LARS2: variants seen among roughly 807,000 people sequenced by gnomAD.
LARS2 encodes leucine--tRNA ligase, mitochondrial.
LARS2 carries 81 observed loss-of-function variants against 116.6 expected under a neutral mutation model. The ratio of observed to expected loss-of-function variants is 0.69; its 90% CI spans 0.58 to 0.84. The LOEUF is 0.84. Among genes scored for constraint, LARS2 ranks in the 40% least tolerant of loss-of-function variants. The pLI is 0.00. For synonymous variants in LARS2, 396 were observed against 407.2 expected (o/e 0.97, Z 0.33); for missense variants, 968 against 1,114.5 (o/e 0.87, Z 1.87).
chr3:45,502,011 T>A (rs1272286060), intron 15 of LARS2, among the ~76,000 whole-genome samples: 1 of 152,078 alleles, frequency 6.6e-6, no homozygotes, highest in African/African-American at 2.4e-5. Context: ...GGTATGGGCA[T>A]GCAATGCATA....
chr3:45,411,866 C>T (rs532666415), intron 4 of LARS2, among the ~76,000 whole-genome samples: 1 of 152,082 alleles, frequency 6.6e-6, no homozygotes, highest in Non-Finnish European at 1.5e-5. Flanking sequence ...TCAGGTAGGC[C>T]CCAGTGTCTG....
intron 3 of LARS2, among the ~76,000 whole-genome samples, chr3:45,399,815 A>C (rs61256704): frequency 1.3e-5 from 2 of 151,700 alleles, no homozygotes; most frequent in African/African-American, 4.9e-5. Flanking sequence ...CAAAGTCCCC[A>C]AAGTCCATTG....
chr3:45,443,979 T>A (rs574503774), intron 6 of LARS2, among the ~76,000 whole-genome samples: 1 of 150,900 alleles, frequency 6.6e-6, no homozygotes, highest in East Asian at 2.0e-4. Flanking sequence ...TGAAGATCAT[T>A]GTTTTTCCTG....
intron 4 of LARS2, among the ~76,000 whole-genome samples, chr3:45,408,651 C>G (rs954005089): frequency 1.3e-5 from 2 of 152,142 alleles, no homozygotes; most frequent in African/African-American, 4.8e-5. Flanking sequence ...TAATCTAGTT[C>G]CATCTGGGCA....
At chr3:45,439,427 G>A (rs1192509620) in intron 6 of LARS2, among the ~76,000 whole-genome samples, 1 of 151,712 alleles carries the variant, frequency 6.6e-6, no homozygotes, top group Non-Finnish European at 1.5e-5. Flanking sequence ...CACAATGTTG[G>A]CCAGGCTGTT....
chr3:45,414,690 A>T (rs1267432519), intron 4 of LARS2, among the ~76,000 whole-genome samples: 1 of 151,974 alleles, frequency 6.6e-6, no homozygotes, highest in African/African-American at 2.4e-5. Context: ...TCGTGGCGCC[A>T]CTGCACTTCA....
intron 6 of LARS2, among the ~76,000 whole-genome samples, chr3:45,434,682 C>G (rs1272924287): frequency 1.3e-5 from 2 of 152,162 alleles, no homozygotes; most frequent in Non-Finnish European, 2.9e-5. Context: ...TCTTTTAAGA[C>G]TGAATTTTAC....
chr3:45,532,348 G>A (rs1430795720), intron 20 of LARS2, among the ~76,000 whole-genome samples: 1 of 152,194 alleles, frequency 6.6e-6, no homozygotes, highest in Non-Finnish European at 1.5e-5. Context: ...TTGAGGTGAT[G>A]TATTATTTGC....
At chr3:45,484,630 A>AAATATATATATAT (rs1553634443) in intron 10 of LARS2, among the ~76,000 whole-genome samples, 2 of 9,746 alleles carry the variant, frequency 2.1e-4, no homozygotes, top group African/African-American at 3.5e-4. Flanking sequence ...AAAAAAAAAA[A>AAATATATATATAT]ATATATATAT....
intron 6 of LARS2, among the ~76,000 whole-genome samples, chr3:45,428,348 A>G (rs1698633925): frequency 7.5e-6 from 1 of 133,688 alleles, no homozygotes; most frequent in Non-Finnish European, 1.5e-5. Context: ...GGCTCACGCC[A>G]TTCTCCTGCC....
intron 19 of LARS2, 98 bp from the exon 20 acceptor site, chr3:45,523,899 C>T (rs1700492647): frequency 1.2e-6 from 1 of 844,108 alleles, no homozygotes. Context: ...TTTCTTCCTA[C>T]CAGCTTGTGT....
intron 15 of LARS2, among the ~76,000 whole-genome samples, chr3:45,502,793 TTTAA>T (rs988035342): frequency 2.0e-4 from 30 of 152,244 alleles, no homozygotes; most frequent in African/African-American, 5.5e-4. Flanking sequence ...GTTTTTTTAT[TTTAA>T]TTATTCTTCA....
intron 20 of LARS2, among the ~76,000 whole-genome samples, chr3:45,540,292 C>T (rs1001345692): frequency 1.6e-4 from 24 of 152,142 alleles, no homozygotes; most frequent in African/African-American, 5.3e-4. Flanking sequence ...TCTGGCTGAA[C>T]GTGACTTTTA....
intron 6 of LARS2, chr3:45,421,964 C>A: frequency 6.6e-6 from 1 of 152,182 alleles, no homozygotes; most frequent in African/African-American, 2.4e-5. Flanking sequence ...TATCATACTG[C>A]TTTCTACTGA....
chr3:45,499,881 C>T (rs962421790), intron 14 of LARS2, among the ~76,000 whole-genome samples: 1 of 152,094 alleles, frequency 6.6e-6, no homozygotes, highest in Non-Finnish European at 1.5e-5. Context: ...TGAAATATGT[C>T]AGTAATATCT....
chr3:45,465,387 AG>A (rs35910725), intron 8 of LARS2, among the ~76,000 whole-genome samples: 1 of 152,188 alleles, frequency 6.6e-6, no homozygotes, highest in Non-Finnish European at 1.5e-5. Context: ...CCAGTGCCAC[AG>A]GGACCAGGTG....
chr3:45,417,377 G>A, intron 4 of LARS2, 105 bp from the exon 5 acceptor site: 1 of 843,176 alleles, frequency 1.2e-6, no homozygotes, highest in Non-Finnish European at 2.0e-6. Context: ...TCCAGCAAAA[G>A]ATAAGGCATG....
Position 45,474,241 on chromosome 3 carries a change from A to G in LARS2, c.751-2A>G. The G allele has an allele frequency of 6.3e-7, 1 of 1,579,984 alleles. No homozygotes were observed. Among genetic ancestry groups the G allele is most frequent in the Admixed American group, 1.7e-5 (1 of 59,358 alleles). On this transcript the variant is annotated splice_acceptor_variant, in intron 8 of 21. Coordinates refer to ENST00000645846, the MANE Select transcript of LARS2 (RefSeq NM_015340.4). LOFTEE classifies it high-confidence loss of function. ...TTCTTTGTTCTCCTTTCATTTGCAC[A>G]GGCCATGCAGGACGCGTTGGCAGAC... is the stretch of plus-strand genomic sequence containing the variant.
intron 4 of LARS2, among the ~76,000 whole-genome samples, chr3:45,403,275 G>A (rs370843499): frequency 9.2e-5 from 14 of 151,776 alleles, no homozygotes; most frequent in East Asian, 1.9e-4. Flanking sequence ...AACTTATTTC[G>A]GACAATTAGT....
Sources: gnomAD v4.1 joint callset for allele counts (sites outside exome capture counted in the v4.1 genomes callset) on GRCh38, gnomAD v4.1.1 for gene constraint, MANE v1.5 for transcripts, NCBI Gene and HGNC (gene_info 2026-07-23, HGNC 2026-07-21) for gene names.